The following GOLGA6L9 variants were observed in gnomAD, a reference collection of about 807,000 sequenced individuals.
GOLGA6L9 encodes the protein golgin A6 family like 9.
A neutral mutation model predicts 51.3 loss-of-function variants in GOLGA6L9; 19 were observed. That is an observed-to-expected ratio of 0.37 (90% confidence interval 0.26 to 0.54). The LOEUF is 0.54. Among genes scored for constraint, GOLGA6L9 ranks in the 20% least tolerant of loss-of-function variants. The pLI is 0.83. For synonymous variants in GOLGA6L9, 97 were observed against 184.2 expected (o/e 0.53, Z 3.83); for missense variants, 247 against 464.1 (o/e 0.53, Z 4.30).
At chr15:82,429,579 A>G (rs1348512345), upstream of GOLGA6L9, among the ~76,000 whole-genome samples, 2 of 152,184 alleles carry the variant, frequency 1.3e-5, no homozygotes, top group Non-Finnish European at 2.9e-5. Context: ...TAGGGTCTAT[A>G]TCTCAGTTAA....
the GOLGA6L9 span, among the ~76,000 whole-genome samples, chr15:82,417,103 A>G: frequency 1.3e-5 from 2 of 152,218 alleles, no homozygotes; most frequent in African/African-American, 4.8e-5. Flanking sequence ...GAATCATACA[A>G]AATGTGGCAT....
chr15:82,432,828 A>G lies in GOLGA6L9; in HGVS notation c.276A>G (p.Gln92=). 6.2e-7 allele frequency: 1 copy of G among 1,612,446 alleles called. No homozygotes were observed. Among genetic ancestry groups the G allele is most frequent in the Non-Finnish European group, 8.5e-7 (1 of 1,179,772 alleles). ...TGCATGCACCTCAGAGCCAGTACCA[A>G]GAACTAGCAGTAGCCCTGGATTCAA... The part of the protein sequence containing the change: ...TTLQDLESQY[Q]ELAVALDSSS... Residue 92 remains glutamine, a synonymous_variant, in exon 4 of 9, where the codon CAA becomes CAG. Transcript: ENST00000618348.
chr15:82,424,360 C>T, the GOLGA6L9 span, among the ~76,000 whole-genome samples: 2 of 152,014 alleles, frequency 1.3e-5, no homozygotes, highest in Admixed American at 6.6e-5. Flanking sequence ...GCATGAGCCA[C>T]CATGCCCGGC....
rs1222323479 is a variant in GOLGA6L9 at position 82,438,374 on chromosome 15, G to C, written c.*1963G>C. ...TATATTAACTCAAATACCACTCTCT[G>C]TGTAGGTATTTTGTCATATGTTTAA... On this transcript the variant is annotated 3_prime_UTR_variant, in exon 9 of 9. Transcript: ENST00000618348. The C allele has an allele frequency of 1.3e-5, 2 of 151,308 alleles. No individual in the cohort carries two copies. Among genetic ancestry groups the C allele is most frequent in the African/African-American group, 2.4e-5 (1 of 41,178 alleles). The allele number at this position is 151,308 out of a possible 1,614,324, so 9.4% of individuals were successfully genotyped here. A position where few individuals can be genotyped will look rare whatever the true frequency, so the allele number is the denominator to read the frequency against.
At chr15:82,429,758 A>T (rs1354034988), upstream of GOLGA6L9, among the ~76,000 whole-genome samples, 33 of 152,290 alleles carry the variant, frequency 2.2e-4, no homozygotes, top group African/African-American at 5.8e-4. Flanking sequence ...GTTTATTTTT[A>T]ACAGTTTTAA....
chr15:82,437,823 G>C lies in GOLGA6L9; in HGVS notation c.*1412G>C, dbSNP rs1173292255. 2.1e-4 allele frequency: 31 copies of C among 151,192 alleles called. 1 individual carries two copies. The highest frequency in any genetic ancestry group is 4.0e-4 in the Non-Finnish European group (27 of 67,820). 9.4% of individuals were successfully genotyped at this position (151,192 alleles called of 1,614,324 possible). On this transcript the variant is annotated 3_prime_UTR_variant, in exon 9 of 9. Transcript: ENST00000618348. ...AACTGCAGCACAATCTACTGTTCGTGAATGTCAAAGTGTCATGAGGAAAGT... is the reference window on the plus strand; with the variant it reads ...AACTGCAGCACAATCTACTGTTCGTCAATGTCAAAGTGTCATGAGGAAAGT...
the GOLGA6L9 span, among the ~76,000 whole-genome samples, chr15:82,418,091 A>G: frequency 6.6e-6 from 1 of 152,212 alleles, no homozygotes; most frequent in Non-Finnish European, 1.5e-5. Flanking sequence ...ACTTGCTTGG[A>G]TTCTCCAGGG....
In GOLGA6L9 at chr15:82,433,699, G is replaced by A; in HGVS notation, c.433+50G>A. 7.5e-6 allele frequency: 5 copies of A among 663,552 alleles called. 1 individual carries two copies. The Middle Eastern group carries it at 1.2e-3, about 158-fold the overall frequency. 41.1% of individuals were successfully genotyped at this position (663,552 alleles called of 1,614,324 possible). A position where few individuals can be genotyped will look rare whatever the true frequency, so the allele number is the denominator to read the frequency against. ...GCAGCTGGACTGGCATTAGAGGGCT[G>A]TGGGGGTGACTTAGAATGCCCCAGG... is the stretch of plus-strand genomic sequence containing the variant. On this transcript the variant is annotated intron_variant, in intron 5 of 8. Coordinates refer to ENST00000618348, the MANE Select transcript of GOLGA6L9 (RefSeq NM_198181.4).
rs1465796143 is a variant in GOLGA6L9, at chr15:82,437,864, G to A, written c.*1453G>A. ...TGAGGAAAGTGTCTATACAATCACAGAGTTATATTTCCTCACAAAGTTCTT... is the reference window on the plus strand; with the variant it reads ...TGAGGAAAGTGTCTATACAATCACAAAGTTATATTTCCTCACAAAGTTCTT... On this transcript the variant is annotated 3_prime_UTR_variant, in exon 9 of 9. Transcript: ENST00000618348. 1 of 151,216 alleles carries A rather than the reference G, an allele frequency of 6.6e-6. No homozygotes were observed. Among genetic ancestry groups the A allele is most frequent in the African/African-American group, 2.4e-5 (1 of 40,958 alleles). The allele number at this position is 151,216 out of a possible 1,614,324, so 9.4% of individuals were successfully genotyped here.
the GOLGA6L9 span, chr15:82,419,921 T>G: frequency 3.9e-6 from 1 of 259,052 alleles, no homozygotes; most frequent in South Asian, 6.5e-5. Flanking sequence ...TGGTTAGGCC[T>G]TCTCAAGTGG....
Position 82,434,290 on chromosome 15 carries a change from T to A in GOLGA6L9, c.690T>A (p.Arg230=). 6.5e-7 allele frequency: 1 copy of A among 1,549,266 alleles called. No individual in the cohort carries two copies. The highest frequency in any genetic ancestry group is 8.7e-7 in the Non-Finnish European group (1 of 1,154,622). ...ERLCEQEERL[R]EQEERLCEQE... ...TGTGTGAACAGGAGGAGAGGCTACG[T>A]GAACAGGAGGAGAGGCTGTGTGAAC... Residue 230 remains arginine (R), a synonymous_variant, in exon 6 of 9, where the codon CGT becomes CGA. Transcript: ENST00000618348.
chr15:82,427,428 T>A (rs1437099072), upstream of GOLGA6L9, among the ~76,000 whole-genome samples: 1 of 152,274 alleles, frequency 6.6e-6, no homozygotes, highest in Non-Finnish European at 1.5e-5. Flanking sequence ...CTTTTTTTTC[T>A]TTCTTTCTTT....
the GOLGA6L9 span, among the ~76,000 whole-genome samples, chr15:82,417,650 AGGT>A: frequency 3.9e-5 from 6 of 152,350 alleles, no homozygotes; most frequent in East Asian, 1.2e-3. Context: ...TTTAAAGGAA[AGGT>A]GGTGTTGGTT....
At chr15:82,430,298 A>G (rs2031371428) in intron 1 of GOLGA6L9, 135 bp downstream of exon 1, 3 of 328,138 alleles carry the variant, frequency 9.1e-6, no homozygotes, top group East Asian at 5.5e-5. Context: ...GGCTCCCCCA[A>G]CCAAAGCCTA....
At position 82,434,432 on chromosome 15, in the gene GOLGA6L9, G is replaced by A; in HGVS notation, c.832G>A (p.Val278Met). The stretch of plus-strand genomic sequence containing the variant: ...GGAGAGGGAGAGGCTGCTGGACGAG[G>A]TGGAGGAGCTCCTGGAGCAGGAGAG... ...LLERERLLDE[V>M]EELLEQERLR... Residue 278 changes from valine (V) to methionine (M), a missense_variant, in exon 6 of 9, where the codon GTG (valine) becomes ATG (methionine). This residue lies in a region of GOLGA6L9 where 35 missense variants were observed against 86.2 expected (regional missense o/e 0.41). Transcript: ENST00000618348. 3 of 1,545,300 alleles carry A rather than the reference G, an allele frequency of 1.9e-6. No individual in the cohort carries two copies. The highest frequency in any genetic ancestry group is 1.7e-6 in the Non-Finnish European group (2 of 1,152,458).
At chr15:82,428,952 G>C (rs2031290647), upstream of GOLGA6L9, among the ~76,000 whole-genome samples, 2 of 151,430 alleles carry the variant, frequency 1.3e-5, no homozygotes, top group African/African-American at 2.4e-5. Context: ...TCATTTGCAA[G>C]GCCTAGAGTG....
the GOLGA6L9 span, chr15:82,418,807 A>G: frequency 7.2e-5 from 11 of 152,260 alleles, no homozygotes; most frequent in Admixed American, 5.9e-4. Context: ...GATCGGTGCC[A>G]TTGTCAGAGG....
At position 82,438,482 on chromosome 15, in the gene GOLGA6L9, C is replaced by A. The variant is rs918373173; in HGVS notation, c.*2071C>A. The A allele has an allele frequency of 2.0e-5, 3 of 151,304 alleles. No individual in the cohort carries two copies. Among genetic ancestry groups the A allele is most frequent in the African/African-American group, 7.3e-5 (3 of 41,216 alleles). The allele number at this position is 151,304 out of a possible 1,614,324, so 9.4% of individuals were successfully genotyped here. On this transcript the variant is annotated 3_prime_UTR_variant, in exon 9 of 9. Transcript: ENST00000618348. Reference sequence around the variant, plus strand: ...AGTCTTTCTTCAAAGTGCATGCAGTCTTTTGCAGTACCTCATTCAGCCAAG... The same window carrying A: ...AGTCTTTCTTCAAAGTGCATGCAGTATTTTGCAGTACCTCATTCAGCCAAG...
upstream of GOLGA6L9, among the ~76,000 whole-genome samples, chr15:82,427,430 T>C (rs62011148): frequency 2.7e-5 from 4 of 150,938 alleles, no homozygotes; most frequent in East Asian, 3.9e-4. Flanking sequence ...TTTTTTTCTT[T>C]CTTTCTTTCA....
Sources: gnomAD v4.1 joint callset for allele counts (sites outside exome capture counted in the v4.1 genomes callset) on GRCh38, gnomAD v4.1.1 for gene constraint, gnomAD v4.1.1 regional missense constraint, MANE v1.5 for transcripts, NCBI Gene and HGNC (gene_info 2026-07-23, HGNC 2026-07-21) for gene names.